SIAH3: variants seen among roughly 807,000 people sequenced by gnomAD.
SIAH3 encodes seven in absentia homolog 3.
SIAH3 carries 9 observed loss-of-function variants against 12.6 expected under a neutral mutation model. The ratio of observed to expected loss-of-function variants is 0.72; its 90% CI spans 0.43 to 1.25. SIAH3 has a LOEUF of 1.25. SIAH3 is among the 50% of genes most tolerant of loss of function. The probability of loss-of-function intolerance (pLI) is 0.00; values close to 1 mark genes in which losing one functional copy is unlikely to be tolerated. For synonymous variants in SIAH3, 154 were observed against 151.1 expected, an observed-to-expected ratio of 1.02 and a Z score of -0.14; for missense variants, 390 against 365.4, an observed-to-expected ratio of 1.07 and a Z score of -0.55.
intron 1 of SIAH3, among the ~76,000 whole-genome samples, chr13:45,788,280 A>G (rs1950534510): frequency 6.6e-6 from 1 of 152,228 alleles, no homozygotes; most frequent in South Asian, 2.1e-4. Context: ...GTTTCAGAAA[A>G]TGAATTCCAA....
chr13:45,783,940 C>A lies in SIAH3; in HGVS notation c.253G>T (p.Ala85Ser). Residue 85 changes from alanine (A) to serine (S), a missense_variant, in exon 2 of 2, where the codon GCC becomes TCC. Physicochemically the swap from Ala to Ser is moderately conservative, Grantham distance 99. Transcript: ENST00000400405. ...TGGTGGTGAAGGTGGTGGGGGTGGG[C>A]GTGGTGGCGGAGGTGGTGGTGGTGG... The part of the protein sequence containing the change: ...HRHHHHLRHH[A>S]HPHHLHHQEA... 3 of 1,602,802 alleles carry A rather than the reference C, an allele frequency of 1.9e-6. No individual in the cohort carries two copies. Among genetic ancestry groups the A allele is most frequent in the Non-Finnish European group, 2.6e-6 (3 of 1,174,862 alleles).
At chr13:45,820,369 G>A (rs1445645250) in intron 1 of SIAH3, among the ~76,000 whole-genome samples, 2 of 152,202 alleles carry the variant, frequency 1.3e-5, no homozygotes, top group Non-Finnish European at 2.9e-5. Flanking sequence ...GGGACGAGAA[G>A]GGTCTGGGCT....
At position 45,806,206 on chromosome 13, in the gene SIAH3, C is replaced by T. The variant is rs549919488; in HGVS notation, c.136-22149G>A. Among the ~76,000 whole-genome samples, 11 of 152,236 alleles carry T rather than the reference C, an allele frequency of 7.2e-5. No individual in the cohort carries two copies. In the South Asian group the frequency reaches 2.1e-3, roughly 29 times the overall value. On this transcript the variant is annotated intron_variant, in intron 1 of 1. Transcript: ENST00000400405. ...AGAACTACCATTTGACCCAGCAATT[C>T]CATTATGGAGTATATATGCAAAGGA... is the stretch of plus-strand genomic sequence containing the variant.
rs750822751 is a variant in SIAH3, at chr13:45,783,528, A to G, written c.665T>C (p.Leu222Pro). The G allele has an allele frequency of 6.2e-7, 1 of 1,614,248 alleles. No homozygotes were observed. Among genetic ancestry groups the G allele is most frequent in the Non-Finnish European group, 8.5e-7 (1 of 1,180,042 alleles). Residue 222 changes from leucine (L) to proline (P), a missense_variant, in exon 2 of 2, where the codon CTT becomes CCT. Transcript: ENST00000400405. ...LKWEATPRSV[L>P]ECVDSVITDG... ...CGTAATCACCGAGTCCACGCACTCA[A>G]GAACAGACCGGGGCGTGGCCTCCCA...
chr13:45,779,833 GTT>G lies in SIAH3; in HGVS notation c.*3548_*3549del. On this transcript the variant is annotated 3_prime_UTR_variant, in exon 2 of 2. Transcript: ENST00000400405. ...CAGAGTAGCCACAGCTAGTGATGGG[GTT>G]TACCAGGTACAGATTCATGCAGATA... 3 of 152,308 alleles carry G rather than the reference GTT, an allele frequency of 2.0e-5. No homozygotes were observed. Among genetic ancestry groups the G allele is most frequent in the African/African-American group, 7.2e-5 (3 of 41,562 alleles). 9.4% of individuals were successfully genotyped at this position (152,308 alleles called of 1,614,324 possible).
intron 1 of SIAH3, among the ~76,000 whole-genome samples, chr13:45,850,371 C>A (rs576062295): frequency 6.6e-6 from 1 of 152,190 alleles, no homozygotes; most frequent in Non-Finnish European, 1.5e-5. Flanking sequence ...GCTCTTCCTG[C>A]CCAACAGCAG....
At chr13:45,799,831 A>C (rs1193469605) in intron 1 of SIAH3, among the ~76,000 whole-genome samples, 1 of 152,240 alleles carries the variant, frequency 6.6e-6, no homozygotes, top group Non-Finnish European at 1.5e-5. Flanking sequence ...AGGGGAGCTC[A>C]GGGAGTTAGA....
chr13:45,796,937 G>C (rs939428078), intron 1 of SIAH3, among the ~76,000 whole-genome samples: 11 of 152,134 alleles, frequency 7.2e-5, no homozygotes, highest in African/African-American at 7.2e-5. Context: ...CTTAGGCTTG[G>C]GGGGCAGGGA....
Position 45,783,368 on chromosome 13 carries a change from C to T in SIAH3, c.*15G>A, listed in dbSNP as rs755117314. ...CCTAGGGAGGCTGTGTGGGGAGCATCCGTGGCTCCTGGCCTCACATTTCAG... is the reference window on the plus strand; with the variant it reads ...CCTAGGGAGGCTGTGTGGGGAGCATTCGTGGCTCCTGGCCTCACATTTCAG... On this transcript the variant is annotated 3_prime_UTR_variant, in exon 2 of 2. Coordinates refer to ENST00000400405, the MANE Select transcript of SIAH3 (RefSeq NM_198849.3). 1 of 1,596,556 alleles carries T rather than the reference C, an allele frequency of 6.3e-7. No individual in the cohort carries two copies. The highest frequency in any genetic ancestry group is 1.7e-5 in the Admixed American group (1 of 59,460).
At chr13:45,784,396 CTGTTTTT>C (rs1950518796) in intron 1 of SIAH3, among the ~76,000 whole-genome samples, 4 of 102,014 alleles carry the variant, frequency 3.9e-5, no homozygotes, top group African/African-American at 7.8e-5. Flanking sequence ...ACAAAGACAG[CTGTTTTT>C]TTTTTTTTTT....
intron 1 of SIAH3, among the ~76,000 whole-genome samples, chr13:45,838,043 T>G (rs1950725130): frequency 1.3e-5 from 2 of 152,184 alleles, no homozygotes; most frequent in South Asian, 4.2e-4. Flanking sequence ...TGCCTCAAAC[T>G]TTTTTGAAAA....
rs374606986 is a variant in SIAH3, at chr13:45,847,764, ATTC to A, written c.135+3728_135+3730del. ...GAAGTTTGCCAGAAAGCATTTTACT[ATTC>A]TTCTTTCAGAAACTTGTTTATCAAA... On this transcript the variant is annotated intron_variant, in intron 1 of 1. Transcript: ENST00000400405. 3.3e-3 allele frequency among the ~76,000 whole-genome samples: 506 copies of A among 152,150 alleles called. 5 individuals carry two copies. The highest frequency in any genetic ancestry group is 0.011 in the African/African-American group (474 of 41,496).
At chr13:45,832,655 AC>A (rs1366596515) in intron 1 of SIAH3, among the ~76,000 whole-genome samples, 1 of 152,102 alleles carries the variant, frequency 6.6e-6, no homozygotes, top group Admixed American at 6.5e-5. Context: ...CATCCGTTTG[AC>A]TTTTTATTTT....
At chr13:45,841,934 A>T (rs2137583681) in intron 1 of SIAH3, among the ~76,000 whole-genome samples, 1 of 152,322 alleles carries the variant, frequency 6.6e-6, no homozygotes, top group East Asian at 1.9e-4. Flanking sequence ...GAGGTCCAAC[A>T]CTGCCATGGG....
intron 1 of SIAH3, among the ~76,000 whole-genome samples, chr13:45,827,937 C>T (rs1009102921): frequency 2.0e-5 from 3 of 152,198 alleles, no homozygotes; most frequent in African/African-American, 4.8e-5. Flanking sequence ...AACAGTGCCC[C>T]AATTTAATGC....
At position 45,851,561 on chromosome 13, in the gene SIAH3, C is replaced by G; in HGVS notation, c.69G>C (p.Lys23Asn). The G allele has an allele frequency of 1.2e-6, 2 of 1,614,176 alleles. No homozygotes were observed. Among genetic ancestry groups the G allele is most frequent in the Non-Finnish European group, 1.7e-6 (2 of 1,180,038 alleles). The change falls in exon 1 of 2, where the codon AAG (lysine) becomes AAC (asparagine). Residue 23 changes from lysine (K) to asparagine (N), a missense_variant. Physicochemically the swap from Lys to Asn is moderately conservative, Grantham distance 94. Transcript: ENST00000400405. The stretch of plus-strand genomic sequence containing the variant: ...CGGCAGCGGAGAAAACCCGTTTAGC[C>G]TTGTAGTGCTGAAACCGGAGATGAA... ...DLIHLRFQHY[K>N]AKRVFSAAGQ...
chr13:45,849,779 A>G (rs1950773119), intron 1 of SIAH3, among the ~76,000 whole-genome samples: 1 of 152,272 alleles, frequency 6.6e-6, no homozygotes, highest in Non-Finnish European at 1.5e-5. Flanking sequence ...AGCTGCAGTC[A>G]ATGAACCATA....
chr13:45,837,185 G>A (rs1476437870), intron 1 of SIAH3, among the ~76,000 whole-genome samples: 1 of 152,040 alleles, frequency 6.6e-6, no homozygotes, highest in Non-Finnish European at 1.5e-5. Flanking sequence ...GGGCAAAGGA[G>A]GAAACCAATC....
chr13:45,839,701 A>G lies in SIAH3; in HGVS notation c.135+11794T>C, dbSNP rs529249086. 9.2e-5 allele frequency among the ~76,000 whole-genome samples: 14 copies of G among 152,066 alleles called. No individual in the cohort carries two copies. The South Asian group carries it at 1.0e-3, about 11-fold the overall frequency. On this transcript the variant is annotated intron_variant, in intron 1 of 1. Transcript: ENST00000400405. The stretch of plus-strand genomic sequence containing the variant: ...CAAAAAATTAGCCGGGCGTGGTGGT[A>G]CCTGCCTGTAATCCCAGCTACTAGG...
Sources: allele counts gnomAD v4.1 joint callset (sites outside exome capture counted in the v4.1 genomes callset), GRCh38; gene constraint gnomAD v4.1.1; transcripts MANE v1.5; gene names NCBI Gene and HGNC (gene_info 2026-07-23, HGNC 2026-07-21).